Variants in ADAM11 observed in about 807,000 individuals in gnomAD.
ADAM11 encodes the protein disintegrin and metalloproteinase domain-containing protein 11.
A neutral mutation model predicts 119.1 loss-of-function variants in ADAM11; 49 were observed. The ratio of observed to expected loss-of-function variants is 0.41; its 90% CI spans 0.33 to 0.52. ADAM11 has a LOEUF of 0.52. Among genes scored for constraint, ADAM11 ranks in the 20% least tolerant of loss-of-function variants. The pLI, the probability that ADAM11 is intolerant of heterozygous loss-of-function variation, is 0.20. For synonymous variants in ADAM11, 364 were observed against 408.0 expected (o/e 0.89, Z 1.30); for missense variants, 777 against 1,047.5 (o/e 0.74, Z 3.56).
At chr17:44,767,708 G>C (rs2049467764) in intron 2 of ADAM11, among the ~76,000 whole-genome samples, 1 of 152,252 alleles carries the variant, frequency 6.6e-6, no homozygotes, top group African/African-American at 2.4e-5. Context: ...TCTGAGCCCT[G>C]TGTCCTGCTG....
Position 44,774,506 on chromosome 17 carries a change from G to C in ADAM11, c.1092G>C (p.Gly364=). The part of the protein sequence containing the change: ...GGGVNEYGNM[G]AMAVTLAQTL... ...CCCACCCCCAGTACGGCAACATGGGGGCGATGGCCGTGACCCTTGCCCAGA... is the reference window on the plus strand; with the variant it reads ...CCCACCCCCAGTACGGCAACATGGGCGCGATGGCCGTGACCCTTGCCCAGA... The change falls in exon 13 of 27, where the codon GGG becomes GGC. Residue 364 remains glycine (G), a synonymous_variant. Coordinates refer to ENST00000200557, the MANE Select transcript of ADAM11 (RefSeq NM_002390.6). 1.2e-6 allele frequency: 2 copies of C among 1,613,218 alleles called. No homozygotes were observed. Among genetic ancestry groups the C allele is most frequent in the Non-Finnish European group, 1.7e-6 (2 of 1,179,776 alleles).
At position 44,779,726 on chromosome 17, in the gene ADAM11, C is replaced by T. The variant is rs759230139; in HGVS notation, c.2295-13C>T. The T allele has an allele frequency of 7.8e-5, 124 of 1,594,392 alleles. No homozygotes were observed. The Middle Eastern group carries it at 2.5e-3, about 32-fold the overall frequency. ...TGCTCACGTCCTCCCCTGATGCCCCCTCTCCGTTCCAGGTCCGGAGGGGCC... is the reference window on the plus strand; with the variant it reads ...TGCTCACGTCCTCCCCTGATGCCCCTTCTCCGTTCCAGGTCCGGAGGGGCC... On this transcript the variant is annotated splice_polypyrimidine_tract_variant and intron_variant, in intron 26 of 26. Transcript: ENST00000200557.
At position 44,773,972 on chromosome 17, in the gene ADAM11, T is replaced by A. The variant is rs2049563018; in HGVS notation, c.993-323T>A. ...CAGGCGTGGTGGTGTGCACCTGTAG[T>A]CCCAGCTACTCGGGAGGCTGAGGCA... is the stretch of plus-strand genomic sequence containing the variant. On this transcript the variant is annotated intron_variant, in intron 11 of 26. Coordinates refer to ENST00000200557, the MANE Select transcript of ADAM11 (RefSeq NM_002390.6). The surrounding 1 kb of genome is among the most constrained non-coding windows in gnomAD (Gnocchi z 4.6). Among the ~76,000 whole-genome samples the A allele has an allele frequency of 6.6e-6, 1 of 152,138 alleles. No homozygotes were observed. Among genetic ancestry groups the A allele is most frequent in the African/African-American group, 2.4e-5 (1 of 41,418 alleles).
At chr17:44,768,578 C>T (rs2049479802) in intron 2 of ADAM11, among the ~76,000 whole-genome samples, 2 of 152,134 alleles carry the variant, frequency 1.3e-5, no homozygotes, top group South Asian at 4.1e-4. Context: ...AGTAATCTAT[C>T]CCATAGGGTT....
intron 2 of ADAM11, among the ~76,000 whole-genome samples, chr17:44,760,343 C>T (rs1252330846): frequency 1.3e-5 from 2 of 152,194 alleles, no homozygotes; most frequent in Non-Finnish European, 2.9e-5. Flanking sequence ...TTAGTGCTTG[C>T]TCCTGCCTCA....
chr17:44,772,896 T>C lies in ADAM11; in HGVS notation c.718T>C (p.Tyr240His). Residue 240 changes from tyrosine (Y) to histidine (H), a missense_variant, in exon 9 of 27, where the codon TAT (tyrosine) becomes CAT (histidine). This residue lies in a region of ADAM11 where 147 missense variants were observed against 223.3 expected (regional missense o/e 0.66). Coordinates refer to ENST00000200557, the MANE Select transcript of ADAM11 (RefSeq NM_002390.6). The surrounding 1 kb of genome is among the most constrained non-coding windows in gnomAD (Gnocchi z 4.5). ...CCCTACAGTGCACAGTGAAACCAAG[T>C]ATGTGGAGCTAATTGTGATCAACGA... ...GHPTVHSETKYVELIVINDHQ... is the reference protein window; with the variant it reads ...GHPTVHSETKHVELIVINDHQ... 2 of 1,613,324 alleles carry C rather than the reference T, an allele frequency of 1.2e-6. No individual in the cohort carries two copies. The highest frequency in any genetic ancestry group is 1.7e-6 in the Non-Finnish European group (2 of 1,179,824).
Position 44,777,738 on chromosome 17 carries a change from G to T in ADAM11, c.1945G>T (p.Val649Leu), listed in dbSNP as rs1173362936. Residue 649 changes from valine to leucine, a missense_variant, in exon 23 of 27, where the codon GTG becomes TTG. Val to Leu is a conservative substitution (Grantham distance 32). Around this residue, in one of 4 missense-constraint regions of ADAM11, gnomAD observed 348 missense variants for 486.7 expected, o/e 0.72. Transcript: ENST00000200557. This position sits in a 1 kb window ranked among gnomAD's most constrained non-coding sequence, Gnocchi z 5.1. Reference protein sequence around the residue: ...QLADGSDLSYVEDGTACGPNM... With the variant: ...QLADGSDLSYLEDGTACGPNM... ...GGCGGACGGCTCTGACCTGAGCTAT[G>T]TGGAGGATGGCACAGCCTGCGGGCC... 19 of 1,613,930 alleles carry T rather than the reference G, an allele frequency of 1.2e-5. No individual in the cohort carries two copies. The highest frequency in any genetic ancestry group is 1.6e-5 in the Non-Finnish European group (19 of 1,180,000).
At chr17:44,762,079 C>T (rs921168897) in intron 2 of ADAM11, among the ~76,000 whole-genome samples, 1 of 152,180 alleles carries the variant, frequency 6.6e-6, no homozygotes, top group African/African-American at 2.4e-5. Context: ...CCACCTCGGC[C>T]TCCCAAAGTG....
Position 44,773,198 on chromosome 17 carries a change from C to A in ADAM11, c.826-63C>A, listed in dbSNP as rs533350309. On this transcript the variant is annotated intron_variant, in intron 10 of 26. Transcript: ENST00000200557. This position sits in a 1 kb window ranked among gnomAD's most constrained non-coding sequence, Gnocchi z 4.6. The stretch of plus-strand genomic sequence containing the variant: ...CCACTTCCTGGAGAGAACAGACAGG[C>A]CCTCCTCCAGCCCTGGCCCCAACAC... 105 of 1,598,746 alleles carry A rather than the reference C, an allele frequency of 6.6e-5. No individual in the cohort carries two copies. The highest frequency in any genetic ancestry group is 8.1e-5 in the Non-Finnish European group (95 of 1,168,064).
Position 44,780,117 on chromosome 17 carries a change from C to T in ADAM11, c.*363C>T. On this transcript the variant is annotated 3_prime_UTR_variant, in exon 27 of 27. Coordinates refer to ENST00000200557, the MANE Select transcript of ADAM11 (RefSeq NM_002390.6). ...GTGGACCTAGCCTGGATGGCCCCTCCTTGCAACCAGGCAGCTGAGACCAGG... is the reference window on the plus strand; with the variant it reads ...GTGGACCTAGCCTGGATGGCCCCTCTTTGCAACCAGGCAGCTGAGACCAGG... 3.2e-6 allele frequency: 2 copies of T among 620,892 alleles called. No homozygotes were observed. The highest frequency in any genetic ancestry group is 3.0e-6 in the Non-Finnish European group (1 of 331,944). The allele number at this position is 620,892 out of a possible 1,614,324, so 38.5% of individuals were successfully genotyped here.
At chr17:44,762,183 C>A (rs4793148) in intron 2 of ADAM11, among the ~76,000 whole-genome samples, 136,784 of 152,162 alleles carry the variant, frequency 0.9, 61,581 homozygotes, top group African/African-American at 0.94. Flanking sequence ...AGAGGGATGA[C>A]GTAAATTGCC....
At chr17:44,764,146 G>T (rs568684135) in intron 2 of ADAM11, among the ~76,000 whole-genome samples, 2 of 152,314 alleles carry the variant, frequency 1.3e-5, no homozygotes, top group East Asian at 3.9e-4. Flanking sequence ...GGGTGAGGAG[G>T]TCGCAGACCT....
chr17:44,766,233 T>C (rs2049448985), intron 2 of ADAM11, among the ~76,000 whole-genome samples: 1 of 152,032 alleles, frequency 6.6e-6, no homozygotes, highest in South Asian at 2.1e-4. Context: ...CGGGTCAGCG[T>C]GTGAAGGGCC....
In ADAM11 at chr17:44,778,182, C is replaced by T; in HGVS notation, c.2216C>T (p.Ser739Phe). The change falls in exon 25 of 27, where the codon TCC becomes TTC. Residue 739 changes from serine to phenylalanine, a missense_variant. Physicochemically the swap from Ser to Phe is radical, Grantham distance 155. Around this residue, in one of 4 missense-constraint regions of ADAM11, gnomAD observed 348 missense variants for 486.7 expected, o/e 0.72. Coordinates refer to ENST00000200557, the MANE Select transcript of ADAM11 (RefSeq NM_002390.6). ...AGCGGCACCAACATCATCATTGGCT[C>T]CATTGCTGGGGCTGTCCTGGTTGCA... ...GPSGTNIIIG[S>F]IAGAVLVAAI... is the part of the protein sequence containing the mutation. 6.2e-7 allele frequency: 1 copy of T among 1,613,774 alleles called. No homozygotes were observed. The highest frequency in any genetic ancestry group is 2.2e-5 in the East Asian group (1 of 44,864).
intron 4 of ADAM11, among the ~76,000 whole-genome samples, chr17:44,771,089 G>C (rs925306801): frequency 6.6e-6 from 1 of 151,928 alleles, no homozygotes; most frequent in African/African-American, 2.4e-5. Flanking sequence ...TCTCCAGCCT[G>C]GGCAACAAGA....
intron 2 of ADAM11, among the ~76,000 whole-genome samples, chr17:44,767,383 T>C (rs1049677764): frequency 6.9e-6 from 1 of 145,928 alleles, no homozygotes; most frequent in Non-Finnish European, 1.5e-5. Flanking sequence ...AAAAAGAACA[T>C]TGGCCTAATG....
In ADAM11 at chr17:44,777,124, G is replaced by C. The variant is rs2049613693; in HGVS notation, c.1682-42G>C. 11 of 1,572,964 alleles carry C rather than the reference G, an allele frequency of 7.0e-6. No individual in the cohort carries two copies. Among genetic ancestry groups the C allele is most frequent in the Non-Finnish European group, 9.5e-6 (11 of 1,158,410 alleles). ...ATGCAGGCCTGAGGTCTTGGGGTGGGTCCTGGGGCGCGTGGGGTCACTTGG... is the reference window on the plus strand; with the variant it reads ...ATGCAGGCCTGAGGTCTTGGGGTGGCTCCTGGGGCGCGTGGGGTCACTTGG... On this transcript the variant is annotated intron_variant, in intron 20 of 26. Transcript: ENST00000200557. The surrounding 1 kb of genome is among the most constrained non-coding windows in gnomAD (Gnocchi z 5.1).
intron 4 of ADAM11, among the ~76,000 whole-genome samples, chr17:44,770,329 G>A (rs1197685172): frequency 6.6e-6 from 1 of 152,246 alleles, no homozygotes; most frequent in Non-Finnish European, 1.5e-5. Context: ...AGGCTGCCAG[G>A]AATCCCCCTC....
intron 2 of ADAM11, among the ~76,000 whole-genome samples, chr17:44,768,570 T>C (rs2145216881): frequency 6.6e-6 from 1 of 152,282 alleles, no homozygotes; most frequent in East Asian, 1.9e-4. Context: ...GGAATGGCAG[T>C]AATCTATCCC....
Sources: allele counts gnomAD v4.1 joint callset (sites outside exome capture counted in the v4.1 genomes callset), GRCh38; gene constraint gnomAD v4.1.1; regional missense constraint gnomAD v4.1.1; non-coding constraint Gnocchi (gnomAD v3.1); transcripts MANE v1.5; gene names NCBI Gene and HGNC (gene_info 2026-07-23, HGNC 2026-07-21).